Variants in TMEM245 observed in about 807,000 individuals in gnomAD.
TMEM245 encodes transmembrane protein 245.
In TMEM245, 69 loss-of-function variants were observed where a neutral mutation model predicts 101.2. That is an observed-to-expected ratio of 0.68 (90% CI 0.56 to 0.83). The LOEUF (loss-of-function observed/expected upper bound fraction) is 0.83, where lower values mean the gene tolerates loss of function less well. Ranked by LOEUF, TMEM245 falls within the 40% of genes least tolerant of loss-of-function variation. The pLI is 0.00. For missense variants in TMEM245, 1,075 were observed against 1,092.8 expected (o/e 0.98, Z 0.23); for synonymous variants, 537 against 449.8 (o/e 1.19, Z -2.45).
intron 12 of TMEM245, among the ~76,000 whole-genome samples, chr9:109,056,971 T>TCTCTCAGTTA (rs1354234026): frequency 6.6e-6 from 1 of 152,258 alleles, no homozygotes; most frequent in African/African-American, 2.4e-5. Context: ...ATCCTGGTCA[T>TCTCTCAGTTA]CTCTCAGTTA....
intron 14 of TMEM245, chr9:109,046,311 A>C (rs377699937): frequency 4.1e-5 from 22 of 534,154 alleles, no homozygotes; most frequent in Non-Finnish European, 8.1e-5. Context: ...CAGAGCAAGC[A>C]GAATGGGAGC....
At chr9:109,040,696 G>A (rs995911191) in intron 14 of TMEM245, among the ~76,000 whole-genome samples, 10 of 152,178 alleles carry the variant, frequency 6.6e-5, no homozygotes, top group Non-Finnish European at 1.3e-4. Context: ...TCACGTTGTC[G>A]TGTAGCTTTT....
chr9:109,115,523 T>A, intron 1 of TMEM245, among the ~76,000 whole-genome samples: 1 of 34,636 alleles, frequency 2.9e-5, no homozygotes, highest in Non-Finnish European at 6.0e-5. Flanking sequence ...AACTGGAATC[T>A]TTTTTTTTTT....
chr9:109,032,809 T>C (rs943612172), intron 17 of TMEM245, among the ~76,000 whole-genome samples: 1 of 75,958 alleles, frequency 1.3e-5, no homozygotes, highest in Admixed American at 2.0e-4. Flanking sequence ...ATATAGGTCT[T>C]TTTTTTTTTT....
intron 3 of TMEM245, 122 bp downstream of exon 3, chr9:109,106,386 C>G (rs1295065505): frequency 1.9e-6 from 1 of 522,848 alleles, no homozygotes; most frequent in Non-Finnish European, 3.2e-6. Context: ...AATTTATTTT[C>G]CACTCAGAAA....
chr9:109,101,793 T>C (rs1830288139), intron 3 of TMEM245, among the ~76,000 whole-genome samples: 1 of 152,248 alleles, frequency 6.6e-6, no homozygotes, highest in African/African-American at 2.4e-5. Flanking sequence ...ACTCTAAGTT[T>C]ATGGCTAGTA....
chr9:109,117,770 C>A (rs968658279), intron 1 of TMEM245, among the ~76,000 whole-genome samples: 2 of 152,210 alleles, frequency 1.3e-5, no homozygotes, highest in African/African-American at 4.8e-5. Flanking sequence ...GGATATGCTC[C>A]TTGAGCAGTA....
At chr9:109,067,340 C>T (rs1463656324) in intron 9 of TMEM245, among the ~76,000 whole-genome samples, 2 of 152,144 alleles carry the variant, frequency 1.3e-5, no homozygotes, top group Non-Finnish European at 2.9e-5. Flanking sequence ...TCTACAGCCC[C>T]TGAACTGAGC....
intron 8 of TMEM245, among the ~76,000 whole-genome samples, chr9:109,075,369 T>C (rs1829466754): frequency 6.6e-6 from 1 of 152,230 alleles, no homozygotes; most frequent in South Asian, 2.1e-4. Flanking sequence ...TGGGCAATAC[T>C]AGCCTCATAA....
intron 14 of TMEM245, chr9:109,038,495 A>C (rs1157054558): frequency 5.9e-6 from 1 of 168,634 alleles, no homozygotes; most frequent in African/African-American, 2.4e-5. Flanking sequence ...ACATGTTTCC[A>C]AGAATACAGT....
In TMEM245 at chr9:109,119,705, G is replaced by A. The variant is rs1337325237; in HGVS notation, c.209C>T (p.Ala70Val). 12 of 1,549,634 alleles carry A rather than the reference G, an allele frequency of 7.7e-6. No homozygotes were observed. In the East Asian group the frequency reaches 2.7e-4, roughly 35 times the overall value. ...VLFVCLCCGA[A>V]VLVYFILEAF... is the part of the protein sequence containing the mutation. ...CTCCAGGATGAAGTAGACCAGCACCGCGGCGCCGCAGCACAGGCACACGAA... is the reference window on the plus strand; with the variant it reads ...CTCCAGGATGAAGTAGACCAGCACCACGGCGCCGCAGCACAGGCACACGAA... Residue 70 changes from alanine to valine, a missense_variant, in exon 1 of 18, where the codon GCG (alanine) becomes GTG (valine). Physicochemically the swap from Ala to Val is moderately conservative, Grantham distance 64 (BLOSUM62 0). This residue lies in a region of TMEM245 where 808 missense variants were observed against 741.5 expected (regional missense o/e 1.09). Coordinates refer to ENST00000374586, the MANE Select transcript of TMEM245 (RefSeq NM_032012.4).
intron 7 of TMEM245, among the ~76,000 whole-genome samples, chr9:109,084,359 T>C (rs1319724670): frequency 6.6e-6 from 1 of 152,206 alleles, no homozygotes; most frequent in Non-Finnish European, 1.5e-5. Context: ...ACCAATGCTT[T>C]ACTATGTTAT....
intron 12 of TMEM245, among the ~76,000 whole-genome samples, chr9:109,053,879 T>C (rs1212380569): frequency 6.6e-6 from 1 of 152,226 alleles, no homozygotes; most frequent in African/African-American, 2.4e-5. Context: ...GAGCCACCTC[T>C]GTCTGCCTCA....
Position 109,019,935 on chromosome 9 carries a change from C to T in TMEM245, c.*525G>A, listed in dbSNP as rs1482207813. 1.3e-5 allele frequency: 2 copies of T among 152,430 alleles called. No individual in the cohort carries two copies. The highest frequency in any genetic ancestry group is 2.9e-5 in the Non-Finnish European group (2 of 68,254). 9.4% of individuals were successfully genotyped at this position (152,430 alleles called of 1,614,324 possible). A position where few individuals can be genotyped will look rare whatever the true frequency, so the allele number is the denominator to read the frequency against. ...TTATGATTTATTATTTCTTAAAGAG[C>T]GTATAATACATTGTGGGAGAAGGGT... On this transcript the variant is annotated 3_prime_UTR_variant, in exon 18 of 18. Transcript: ENST00000374586.
intron 17 of TMEM245, among the ~76,000 whole-genome samples, chr9:109,027,537 A>G (rs1365846292): frequency 6.6e-6 from 1 of 152,162 alleles, no homozygotes; most frequent in Non-Finnish European, 1.5e-5. Flanking sequence ...AGGAGATTAG[A>G]AGCTCTTTCT....
At chr9:109,099,854 G>C (rs1385337250) in intron 3 of TMEM245, among the ~76,000 whole-genome samples, 5 of 152,154 alleles carry the variant, frequency 3.3e-5, no homozygotes, top group African/African-American at 1.2e-4. Context: ...TAGGCCATCA[G>C]GGCTCAGCCC....
intron 9 of TMEM245, among the ~76,000 whole-genome samples, chr9:109,068,122 C>G (rs904284975): frequency 6.6e-6 from 1 of 152,158 alleles, no homozygotes; most frequent in Non-Finnish European, 1.5e-5. Context: ...AATCCCAGCA[C>G]TTTGGTAGGC....
At chr9:109,040,446 T>A (rs538008226) in intron 14 of TMEM245, among the ~76,000 whole-genome samples, 1 of 152,198 alleles carries the variant, frequency 6.6e-6, no homozygotes, top group Non-Finnish European at 1.5e-5. Context: ...AATCAAGATG[T>A]AGAATATTTC....
At chr9:109,101,578 T>C (rs1323023445) in intron 3 of TMEM245, among the ~76,000 whole-genome samples, 4 of 152,196 alleles carry the variant, frequency 2.6e-5, no homozygotes, top group Non-Finnish European at 4.4e-5. Context: ...ATGATGAGGA[T>C]TATTTAGACT....
Sources: allele counts gnomAD v4.1 joint callset (sites outside exome capture counted in the v4.1 genomes callset), GRCh38; gene constraint gnomAD v4.1.1; regional missense constraint gnomAD v4.1.1; transcripts MANE v1.5; gene names NCBI Gene and HGNC (gene_info 2026-07-23, HGNC 2026-07-21).